Variants in CATSPERD observed in about 807,000 individuals in gnomAD.
CATSPERD encodes catsper channel auxiliary subunit delta, also known as cation channel sperm-associated auxiliary subunit delta.
Under a neutral mutation model 98.1 loss-of-function variants are expected in CATSPERD, and 86 were observed. The ratio of observed to expected loss-of-function variants is 0.88; its 90% CI spans 0.74 to 1.05. The LOEUF (loss-of-function observed/expected upper bound fraction) is 1.05, where lower values mean the gene tolerates loss of function less well. Ranked by LOEUF, CATSPERD falls within the 50% of genes least tolerant of loss-of-function variation. The probability of loss-of-function intolerance (pLI) is 0.00; values close to 1 mark genes in which losing one functional copy is unlikely to be tolerated. For synonymous variants in CATSPERD, 394 were observed against 390.2 expected, an observed-to-expected ratio of 1.01 and a Z score of -0.12; for missense variants, 995 against 1,005.7, an observed-to-expected ratio of 0.99 and a Z score of 0.14.
chr19:5,764,657 T>C (rs8112729), intron 16 of CATSPERD, among the ~76,000 whole-genome samples: 123,669 of 151,068 alleles, frequency 0.82, 50,820 homozygotes, highest in Non-Finnish European at 0.86. Context: ...ACTCTTGTTG[T>C]TCAGGCTGGA....
At chr19:5,751,439 C>G (rs1281325142) in intron 11 of CATSPERD, among the ~76,000 whole-genome samples, 4 of 141,878 alleles carry the variant, frequency 2.8e-5, no homozygotes, top group African/African-American at 5.2e-5. Context: ...GAGGCTGAGG[C>G]AGGAGAATGG....
At chr19:5,739,483 C>T (rs1293523565) in intron 7 of CATSPERD, 44 bp downstream of exon 7, 2 of 1,113,872 alleles carry the variant, frequency 1.8e-6, no homozygotes, top group Non-Finnish European at 2.7e-6. Context: ...TACATATGTA[C>T]CTTGTGATTG....
At chr19:5,741,117 C>T (rs1233729264) in intron 7 of CATSPERD, among the ~76,000 whole-genome samples, 2 of 151,810 alleles carry the variant, frequency 1.3e-5, no homozygotes, top group Non-Finnish European at 2.9e-5. Context: ...AAAGCTAATG[C>T]CCTAGTAAAG....
In CATSPERD at chr19:5,754,113, TC is replaced by T; in HGVS notation, c.1165-18del. The T allele has an allele frequency of 2.6e-6, 4 of 1,512,112 alleles. No homozygotes were observed. Among genetic ancestry groups the T allele is most frequent in the Non-Finnish European group, 3.7e-6 (4 of 1,086,908 alleles). The allele number at this position is 1,512,112 out of a possible 1,614,324, so 93.7% of individuals were successfully genotyped here. A position where few individuals can be genotyped will look rare whatever the true frequency, so the allele number is the denominator to read the frequency against. On this transcript the variant is annotated intron_variant, in intron 12 of 21. Coordinates refer to ENST00000381624, the MANE Select transcript of CATSPERD (RefSeq NM_152784.4). ...GGAACAGGAGCATGATTATCTTTCT[TC>T]TTCGCCTTTTTAACTAGATAGAGTT...
intron 9 of CATSPERD, 34 bp from the exon 10 acceptor site, chr19:5,748,126 C>T (rs773708518): frequency 2.2e-5 from 34 of 1,558,674 alleles, no homozygotes; most frequent in Admixed American, 1.0e-4. Flanking sequence ...AGGATGTACA[C>T]GGGGCCTCAT....
chr19:5,736,445 G>A (rs962982024), intron 5 of CATSPERD, among the ~76,000 whole-genome samples: 3 of 152,154 alleles, frequency 2.0e-5, no homozygotes, highest in Admixed American at 6.6e-5. Context: ...GGCTGGGCGC[G>A]GTGGCTCATG....
At chr19:5,759,881 G>C (rs2056401668) in intron 15 of CATSPERD, among the ~76,000 whole-genome samples, 1 of 151,848 alleles carries the variant, frequency 6.6e-6, no homozygotes, top group African/African-American at 2.4e-5. Flanking sequence ...TTCGAGACCA[G>C]CCTGGCCAAC....
At chr19:5,759,027 T>C in intron 14 of CATSPERD, 59 bp from the exon 15 acceptor site, 1 of 1,501,306 alleles carries the variant, frequency 6.7e-7, no homozygotes, top group East Asian at 2.3e-5. Flanking sequence ...ATGTCCTGAG[T>C]TGGGGATGCC....
intron 6 of CATSPERD, among the ~76,000 whole-genome samples, chr19:5,739,094 GTC>G (rs1320316851): frequency 6.6e-6 from 1 of 151,846 alleles, no homozygotes; most frequent in Non-Finnish European, 1.5e-5. Flanking sequence ...TGAACTCCTG[GTC>G]TCAAGTGATC....
intron 5 of CATSPERD, 50 bp from the exon 6 acceptor site, chr19:5,737,088 C>G: frequency 7.6e-7 from 1 of 1,321,156 alleles, no homozygotes; most frequent in South Asian, 1.2e-5. Context: ...AAACTTTTCT[C>G]CAAACTTCAG....
At chr19:5,777,857 A>G (rs1179015266) in intron 21 of CATSPERD, among the ~76,000 whole-genome samples, 1 of 151,916 alleles carries the variant, frequency 6.6e-6, no homozygotes, top group Non-Finnish European at 1.5e-5. Flanking sequence ...CCTGGGTAAT[A>G]GAGCCAGATT....
At chr19:5,742,351 T>C (rs62107433) in intron 7 of CATSPERD, among the ~76,000 whole-genome samples, 3 of 151,874 alleles carry the variant, frequency 2.0e-5, no homozygotes, top group African/African-American at 7.3e-5. Flanking sequence ...TGTGTGTGTG[T>C]GCATGTATGT....
At position 5,770,970 on chromosome 19, in the gene CATSPERD, G is replaced by A. The variant is rs771955783; in HGVS notation, c.1661G>A (p.Gly554Glu). The change falls in exon 19 of 22, where the codon GGG (glycine) becomes GAG (glutamate). Residue 554 changes from glycine (G) to glutamate (E), a missense_variant. This residue lies in a region of CATSPERD where 762 missense variants were observed against 773.7 expected (regional missense o/e 0.98). Transcript: ENST00000381624. ...GAATTCTACGACCCCGGCTTCCAGG[G>A]GCAGCAGTCCTCCGAGGACCTGCAC... ...EKEFYDPGFQ[G>E]QQSSEDLHVF... 2.5e-6 allele frequency: 4 copies of A among 1,612,458 alleles called. No homozygotes were observed.
intron 17 of CATSPERD, among the ~76,000 whole-genome samples, chr19:5,767,272 G>C (rs1318093773): frequency 1.5e-5 from 2 of 131,650 alleles, no homozygotes; most frequent in South Asian, 5.3e-4. Flanking sequence ...AGCCGAGATC[G>C]TGCCACTGCA....
intron 12 of CATSPERD, 85 bp downstream of exon 12, chr19:5,751,908 GCC>G: frequency 7.8e-7 from 1 of 1,287,726 alleles, no homozygotes; most frequent in South Asian, 1.6e-5. Context: ...CACGCCTGTA[GCC>G]CCAGTTGCTC....
Position 5,770,992 on chromosome 19 carries a change from G to A in CATSPERD, c.1683G>A (p.Leu561=). The A allele has an allele frequency of 6.2e-7, 1 of 1,613,914 alleles. No homozygotes were observed. Among genetic ancestry groups the A allele is most frequent in the Non-Finnish European group, 8.5e-7 (1 of 1,179,914 alleles). The change falls in exon 19 of 22, where the codon CTG becomes CTA. Residue 561 remains leucine, a synonymous_variant. Coordinates refer to ENST00000381624, the MANE Select transcript of CATSPERD (RefSeq NM_152784.4). ...AGGGGCAGCAGTCCTCCGAGGACCT[G>A]CACGTGTTTTACTCCTACCAGCAGC... is the stretch of plus-strand genomic sequence containing the variant. ...GFQGQQSSED[L]HVFYSYQQLG...
intron 4 of CATSPERD, among the ~76,000 whole-genome samples, chr19:5,732,983 G>GT (rs143354887): frequency 0.015 from 2,227 of 151,070 alleles, 60 homozygotes; most frequent in African/African-American, 0.049. Context: ...GGCCATAAAT[G>GT]TTTTTTTTCT....
chr19:5,723,330 T>C (rs941423456), intron 1 of CATSPERD, among the ~76,000 whole-genome samples: 1 of 151,914 alleles, frequency 6.6e-6, no homozygotes, highest in African/African-American at 2.4e-5. Context: ...TCGCCCAGGC[T>C]GGAGTGCAGT....
chr19:5,756,009 G>A (rs1230964097), intron 13 of CATSPERD, among the ~76,000 whole-genome samples: 4 of 151,960 alleles, frequency 2.6e-5, no homozygotes, highest in East Asian at 1.9e-4. Context: ...GTCCAGGCGC[G>A]GTGGCTCACG....
Sources: allele counts gnomAD v4.1 joint callset (sites outside exome capture counted in the v4.1 genomes callset), GRCh38; gene constraint gnomAD v4.1.1; regional missense constraint gnomAD v4.1.1; transcripts MANE v1.5; gene names NCBI Gene and HGNC (gene_info 2026-07-23, HGNC 2026-07-21).